The following PPP1R1C variants were observed in gnomAD, a reference collection of about 807,000 sequenced individuals.
The protein encoded by PPP1R1C is protein phosphatase 1 regulatory inhibitor subunit 1C.
Under a neutral mutation model 17.4 loss-of-function variants are expected in PPP1R1C, and 15 were observed. The observed-to-expected ratio is 0.86, with a 90% CI of 0.58 to 1.33. The LOEUF (loss-of-function observed/expected upper bound fraction) is 1.33, where lower values mean the gene tolerates loss of function less well. Among genes scored for constraint, PPP1R1C ranks in the 40% most tolerant of loss-of-function variants. The probability of loss-of-function intolerance (pLI) is 0.00; values close to 1 mark genes in which losing one functional copy is unlikely to be tolerated. For synonymous variants in PPP1R1C, 35 were observed against 43.1 expected (o/e 0.81, Z 0.73); for missense variants, 143 against 130.0 (o/e 1.10, Z -0.48).
At chr2:181,996,644 T>A (rs1304596421) in intron 2 of PPP1R1C, among the ~76,000 whole-genome samples, 1 of 152,222 alleles carries the variant, frequency 6.6e-6, no homozygotes, top group Non-Finnish European at 1.5e-5. Flanking sequence ...ACCTTGGTAA[T>A]AATGCTGAGG....
intron 4 of PPP1R1C, among the ~76,000 whole-genome samples, chr2:182,112,871 G>GA (rs1181557745): frequency 6.6e-6 from 1 of 152,014 alleles, no homozygotes; most frequent in Non-Finnish European, 1.5e-5. Flanking sequence ...ATATGTAGTT[G>GA]AAAAAAATAA....
At chr2:182,106,955 A>C (rs994705489) in intron 4 of PPP1R1C, among the ~76,000 whole-genome samples, 2 of 150,424 alleles carry the variant, frequency 1.3e-5, no homozygotes, top group Non-Finnish European at 3.0e-5. Context: ...ATAAGGAAAA[A>C]CTCCTCCCAT....
At chr2:182,018,031 AAT>A (rs1686310052) in intron 2 of PPP1R1C, among the ~76,000 whole-genome samples, 1 of 152,204 alleles carries the variant, frequency 6.6e-6, no homozygotes, top group Non-Finnish European at 1.5e-5. Context: ...CATTCAGACT[AAT>A]CAATAATAGT....
At chr2:182,046,550 ACCTCGTCTCT>A in intron 2 of PPP1R1C, among the ~76,000 whole-genome samples, 1 of 149,088 alleles carries the variant, frequency 6.7e-6, no homozygotes, top group Non-Finnish European at 1.5e-5. Context: ...ACATGGTGAA[ACCTCGTCTCT>A]ACTCAAAAAA....
intron 4 of PPP1R1C, among the ~76,000 whole-genome samples, chr2:182,111,494 A>C (rs1271119870): frequency 1.3e-5 from 2 of 152,176 alleles, no homozygotes. Context: ...TTCAGGAAAT[A>C]ATATGCTTTT....
chr2:182,071,266 C>T (rs777140554), intron 4 of PPP1R1C, among the ~76,000 whole-genome samples: 5 of 152,128 alleles, frequency 3.3e-5, no homozygotes, highest in African/African-American at 4.8e-5. Flanking sequence ...ATTTCTCAGA[C>T]GTCCCTTGTT....
At chr2:182,021,727 A>G (rs1427055073) in intron 2 of PPP1R1C, among the ~76,000 whole-genome samples, 2 of 152,224 alleles carry the variant, frequency 1.3e-5, no homozygotes, top group Non-Finnish European at 2.9e-5. Flanking sequence ...GAAAAGAAAA[A>G]GTATCAGACA....
chr2:182,000,457 T>C (rs1252821830), intron 2 of PPP1R1C, among the ~76,000 whole-genome samples: 1 of 152,082 alleles, frequency 6.6e-6, no homozygotes, highest in East Asian at 1.9e-4. Flanking sequence ...ATTTTGGGCC[T>C]CCTGACATCA....
chr2:182,036,223 T>C (rs1231748815), intron 2 of PPP1R1C, among the ~76,000 whole-genome samples: 1 of 152,218 alleles, frequency 6.6e-6, no homozygotes, highest in African/African-American at 2.4e-5. Flanking sequence ...AGGACTCAGT[T>C]GCTGTGCTTT....
chr2:181,980,389 C>T (rs1685171079), intron 2 of PPP1R1C, among the ~76,000 whole-genome samples: 1 of 152,152 alleles, frequency 6.6e-6, no homozygotes. Flanking sequence ...GTCTTCCTCA[C>T]GTTATTCCTG....
At chr2:182,114,967 C>T (rs532627380) in intron 4 of PPP1R1C, among the ~76,000 whole-genome samples, 1 of 152,066 alleles carries the variant, frequency 6.6e-6, no homozygotes, top group Admixed American at 6.5e-5. Context: ...CTGATTTTTT[C>T]CTTTATATTG....
At chr2:182,075,830 A>G (rs1688281103) in intron 4 of PPP1R1C, among the ~76,000 whole-genome samples, 1 of 152,162 alleles carries the variant, frequency 6.6e-6, no homozygotes, top group African/African-American at 2.4e-5. Flanking sequence ...TTGGGTTTCA[A>G]TTGATAATCT....
chr2:182,074,721 C>G (rs1046884465), intron 4 of PPP1R1C, among the ~76,000 whole-genome samples: 1 of 152,146 alleles, frequency 6.6e-6, no homozygotes, highest in Non-Finnish European at 1.5e-5. Context: ...ATTTTAAGAA[C>G]AGTTTTATTA....
chr2:182,090,974 A>G (rs1688763696), intron 4 of PPP1R1C, among the ~76,000 whole-genome samples: 1 of 152,318 alleles, frequency 6.6e-6, no homozygotes, highest in Admixed American at 6.5e-5. Context: ...TTCCTTTCCC[A>G]GAAACAAGTA....
intron 2 of PPP1R1C, among the ~76,000 whole-genome samples, chr2:182,010,686 G>A (rs1012911425): frequency 3.3e-5 from 5 of 151,958 alleles, no homozygotes; most frequent in Admixed American, 6.6e-5. Context: ...AAAGTGGTCG[G>A]CCTTATTGTG....
chr2:181,958,358 G>C (rs1684704480), intron 1 of PPP1R1C, among the ~76,000 whole-genome samples: 1 of 152,178 alleles, frequency 6.6e-6, no homozygotes, highest in Non-Finnish European at 1.5e-5. Context: ...TATAAGTATG[G>C]CCAAAAAGGC....
At chr2:182,062,255 T>C (rs1687871947) in intron 3 of PPP1R1C, among the ~76,000 whole-genome samples, 1 of 152,104 alleles carries the variant, frequency 6.6e-6, no homozygotes, top group South Asian at 2.1e-4. Flanking sequence ...GAAAATTTTG[T>C]GAAACAGTAA....
At chr2:182,069,443 A>ACTAAGGT (rs1688080195) in intron 4 of PPP1R1C, among the ~76,000 whole-genome samples, 1 of 151,782 alleles carries the variant, frequency 6.6e-6, no homozygotes. Flanking sequence ...CTTGCAAGTC[A>ACTAAGGT]CTAAGGTATC....
chr2:182,070,137 A>G (rs1253804224), intron 4 of PPP1R1C, among the ~76,000 whole-genome samples: 3 of 152,226 alleles, frequency 2.0e-5, no homozygotes, highest in Non-Finnish European at 4.4e-5. Context: ...CTTACTGGAC[A>G]GGAGGGTAAG....
Sources: allele counts gnomAD v4.1 joint callset (sites outside exome capture counted in the v4.1 genomes callset), GRCh38; gene constraint gnomAD v4.1.1; transcripts MANE v1.5; gene names NCBI Gene and HGNC (gene_info 2026-07-23, HGNC 2026-07-21).